Variants in SWAP70 observed in about 807,000 individuals in gnomAD.
The protein encoded by SWAP70 is switching B cell complex subunit SWAP70, also known as switch-associated protein 70.
Under a neutral mutation model 80.2 loss-of-function variants are expected in SWAP70, and 34 were observed. The ratio of observed to expected loss-of-function variants is 0.42; its 90% CI spans 0.32 to 0.56. The LOEUF is 0.56. SWAP70 is among the 20% of genes least tolerant of loss of function. SWAP70 has a pLI of 0.09. For synonymous variants in SWAP70, 239 were observed against 238.5 expected (o/e 1.00, Z -0.02); for missense variants, 578 against 690.7 (o/e 0.84, Z 1.83).
intron 1 of SWAP70, among the ~76,000 whole-genome samples, chr11:9,669,043 T>C (rs1424677583): frequency 6.6e-6 from 1 of 152,114 alleles, no homozygotes; most frequent in Non-Finnish European, 1.5e-5. Flanking sequence ...TAAAGTCTGG[T>C]GGTGAAGGTA....
chr11:9,729,635 A>G (rs1005175706), intron 6 of SWAP70, among the ~76,000 whole-genome samples, 184 bp downstream of exon 6: 3 of 152,006 alleles, frequency 2.0e-5, no homozygotes, highest in Non-Finnish European at 1.5e-5. Flanking sequence ...AGTAGCTGGG[A>G]CTATAGCCAC....
intron 9 of SWAP70, chr11:9,741,398 A>C (rs1469088771): frequency 1.3e-5 from 2 of 152,216 alleles, no homozygotes; most frequent in Non-Finnish European, 2.9e-5. Context: ...CATTCACTGC[A>C]CTGTGAGGTT....
chr11:9,699,991 A>G (rs1850811847), intron 2 of SWAP70, among the ~76,000 whole-genome samples: 1 of 151,888 alleles, frequency 6.6e-6, no homozygotes, highest in Admixed American at 6.6e-5. Flanking sequence ...TTCTTATTTC[A>G]GTGCTAGAAT....
intron 9 of SWAP70, among the ~76,000 whole-genome samples, chr11:9,744,313 T>A (rs1171984980): frequency 6.6e-6 from 1 of 152,164 alleles, no homozygotes; most frequent in Non-Finnish European, 1.5e-5. Context: ...AACTTTTAAT[T>A]TTTGTGGGTA....
At chr11:9,679,791 C>T (rs960598229) in intron 1 of SWAP70, among the ~76,000 whole-genome samples, 3 of 152,140 alleles carry the variant, frequency 2.0e-5, no homozygotes, top group Non-Finnish European at 4.4e-5. Flanking sequence ...GCCTTAGCCT[C>T]CTGAGTAGCT....
At chr11:9,671,770 TAAA>T (rs1850409394) in intron 1 of SWAP70, among the ~76,000 whole-genome samples, 2 of 1,762 alleles carry the variant, frequency 1.1e-3, no homozygotes, top group African/African-American at 1.8e-3. Flanking sequence ...ATATATAATA[TAAA>T]TATAATATAT....
At chr11:9,719,092 TC>T (rs1851102442) in intron 3 of SWAP70, among the ~76,000 whole-genome samples, 1 of 53,626 alleles carries the variant, frequency 1.9e-5, no homozygotes, top group South Asian at 4.0e-4. Flanking sequence ...AGACACTGAA[TC>T]AAAAAAAAAA....
chr11:9,749,653 T>C (rs907922439), intron 11 of SWAP70, among the ~76,000 whole-genome samples: 2 of 152,236 alleles, frequency 1.3e-5, no homozygotes, highest in African/African-American at 4.8e-5. Flanking sequence ...TCAGGATAAA[T>C]TTCTCTTGAA....
At chr11:9,695,637 G>A (rs1346904503) in intron 2 of SWAP70, among the ~76,000 whole-genome samples, 1 of 151,280 alleles carries the variant, frequency 6.6e-6, no homozygotes, top group African/African-American at 2.4e-5. Context: ...GGGGATGAGG[G>A]GAGGGAACTT....
At chr11:9,723,036 T>C (rs1381565463) in intron 3 of SWAP70, among the ~76,000 whole-genome samples, 1 of 152,092 alleles carries the variant, frequency 6.6e-6, no homozygotes, top group African/African-American at 2.4e-5. Context: ...TGGGGGATGA[T>C]CACCAAGGGA....
At chr11:9,695,008 C>T (rs1190165253) in intron 2 of SWAP70, among the ~76,000 whole-genome samples, 2 of 152,102 alleles carry the variant, frequency 1.3e-5, no homozygotes, top group Non-Finnish European at 2.9e-5. Context: ...TACATTCATG[C>T]CCAGGCAGGG....
At chr11:9,699,853 G>T (rs1438156181) in intron 2 of SWAP70, among the ~76,000 whole-genome samples, 1 of 125,044 alleles carries the variant, frequency 8.0e-6, no homozygotes. Context: ...GTGTCACCCA[G>T]GCTGTATAGT....
intron 2 of SWAP70, among the ~76,000 whole-genome samples, chr11:9,709,358 G>A (rs1850965285): frequency 6.6e-6 from 1 of 152,098 alleles, no homozygotes; most frequent in African/African-American, 2.4e-5. Flanking sequence ...CGAGCTCCTG[G>A]TCTCAAGCAA....
At chr11:9,740,652 T>G (rs1221036103) in intron 9 of SWAP70, 2 of 393,254 alleles carry the variant, frequency 5.1e-6, no homozygotes, top group Non-Finnish European at 9.6e-6. Flanking sequence ...AACCCAGAAT[T>G]ACCTCTGATA....
At chr11:9,674,423 G>A (rs1454896732) in intron 1 of SWAP70, among the ~76,000 whole-genome samples, 1 of 152,134 alleles carries the variant, frequency 6.6e-6, no homozygotes, top group Non-Finnish European at 1.5e-5. Context: ...TGGGAAGCTG[G>A]GTGCAGTGGC....
chr11:9,698,187 G>A (rs1349147516), intron 2 of SWAP70, among the ~76,000 whole-genome samples: 2 of 137,532 alleles, frequency 1.5e-5, no homozygotes, highest in Non-Finnish European at 3.0e-5. Context: ...TGCATCCTCC[G>A]CCTCCTGGGT....
chr11:9,734,618 A>T (rs963746567), intron 7 of SWAP70, among the ~76,000 whole-genome samples: 2 of 152,188 alleles, frequency 1.3e-5, no homozygotes, highest in Non-Finnish European at 2.9e-5. Context: ...TCTTAGAAAA[A>T]AACAGCTTAG....
At chr11:9,737,656 G>A (rs924804382) in intron 7 of SWAP70, among the ~76,000 whole-genome samples, 2 of 152,170 alleles carry the variant, frequency 1.3e-5, no homozygotes, top group Non-Finnish European at 2.9e-5. Context: ...CCAGCACTTC[G>A]GGAGGCTGAG....
At chr11:9,674,641 C>A (rs1452750814) in intron 1 of SWAP70, among the ~76,000 whole-genome samples, 1 of 151,924 alleles carries the variant, frequency 6.6e-6, no homozygotes, top group Non-Finnish European at 1.5e-5. Context: ...GTATTGCAGC[C>A]TGGGTGACAG....
Sources: allele counts gnomAD v4.1 joint callset (sites outside exome capture counted in the v4.1 genomes callset), GRCh38; gene constraint gnomAD v4.1.1; transcripts MANE v1.5; gene names NCBI Gene and HGNC (gene_info 2026-07-23, HGNC 2026-07-21).